RAB11FIP5: variants seen among roughly 807,000 people sequenced by gnomAD.
RAB11FIP5 encodes the protein rab11 family-interacting protein 5.
RAB11FIP5 carries 48 observed loss-of-function variants against 85.1 expected under a neutral mutation model. That is an observed-to-expected ratio of 0.56 (90% CI 0.45 to 0.72). The LOEUF (loss-of-function observed/expected upper bound fraction) is 0.72. Among genes scored for constraint, RAB11FIP5 ranks in the 30% least tolerant of loss-of-function variants. The pLI, the probability that RAB11FIP5 is intolerant of heterozygous loss-of-function variation, is 0.00. For missense variants in RAB11FIP5, 1,491 were observed against 1,687.0 expected (o/e 0.88, Z 2.04); for synonymous variants, 729 against 727.3 (o/e 1.00, Z -0.04).
chr2:73,092,450 GA>G (rs1346121854), intron 1 of RAB11FIP5, among the ~76,000 whole-genome samples: 7 of 152,196 alleles, frequency 4.6e-5, no homozygotes, highest in African/African-American at 1.7e-4. Context: ...GTTTTATAAG[GA>G]GCATATATTA....
rs537213583 is a variant in RAB11FIP5, at chr2:73,083,299, C to T, written c.1569-1636G>A. Among the ~76,000 whole-genome samples the T allele has an allele frequency of 1.2e-3, 182 of 152,198 alleles. 2 individuals are homozygous for T. The highest frequency in any genetic ancestry group is 6.8e-3 in the Middle Eastern group (2 of 294). On this transcript the variant is annotated intron_variant, in intron 3 of 5. Transcript: ENST00000486777. ...GGACTGAGGCAGGTCAGCTCGGCAG[C>T]TACCACCAGGGGCGGACCACAGGAA...
chr2:73,100,047 G>C (rs777692404), intron 1 of RAB11FIP5, among the ~76,000 whole-genome samples: 1 of 152,208 alleles, frequency 6.6e-6, no homozygotes, highest in Non-Finnish European at 1.5e-5. Flanking sequence ...AAAAGCGAAA[G>C]CAGGGCACCA....
At chr2:73,101,232 G>A (rs2106120683) in intron 1 of RAB11FIP5, among the ~76,000 whole-genome samples, 1 of 152,126 alleles carries the variant, frequency 6.6e-6, no homozygotes, top group Non-Finnish European at 1.5e-5. Context: ...ACTGGCCAGG[G>A]CTACAATGTG....
chr2:73,112,296 C>T (rs2106128912), intron 1 of RAB11FIP5, 51 bp downstream of exon 1: 2 of 1,489,072 alleles, frequency 1.3e-6, no homozygotes. Flanking sequence ...CCCACCAGCC[C>T]CGCCCTGTTA....
intron 1 of RAB11FIP5, among the ~76,000 whole-genome samples, chr2:73,098,865 G>C (rs1684375551): frequency 6.6e-6 from 1 of 152,150 alleles, no homozygotes; most frequent in African/African-American, 2.4e-5. Flanking sequence ...CTATACGCTT[G>C]TCACCAAGAG....
chr2:73,075,541 G>A lies in RAB11FIP5; in HGVS notation c.3955C>T (p.Pro1319Ser). The change falls in exon 6 of 6, where the codon CCC becomes TCC. Residue 1319 changes from proline (P) to serine (S), a missense_variant. Transcript: ENST00000486777. The surrounding 1 kb of genome is among the most constrained non-coding windows in gnomAD (Gnocchi z 4.6). ...GAAGGCTATTTGGGGGGGCCCGGGG[G>A]GATCTGCAGCAGCGTGGGTGAGGTC... is the stretch of plus-strand genomic sequence containing the variant. ...METSPTLLQI[P>S]PGPPK 1.2e-6 allele frequency: 2 copies of A among 1,614,098 alleles called. No homozygotes were observed. Among genetic ancestry groups the A allele is most frequent in the Non-Finnish European group, 8.5e-7 (1 of 1,179,986 alleles).
In RAB11FIP5 at chr2:73,076,172, C is replaced by A. The variant is rs147740837; in HGVS notation, c.3592G>T (p.Val1198Leu). ...EPQPSASPHP[V>L]KPLSAAPVEG... Reference sequence around the variant, plus strand: ...ACAGGGGCGGCACTGAGGGGCTTCACGGGGTGGGGACTGCAAAGACATACA... The same window carrying A: ...ACAGGGGCGGCACTGAGGGGCTTCAAGGGGTGGGGACTGCAAAGACATACA... Residue 1198 changes from valine (V) to leucine (L), a missense_variant, in exon 5 of 6, where the codon GTG (valine) becomes TTG (leucine). By Grantham distance (32) the Val-to-Leu change is conservative. Coordinates refer to ENST00000486777, the MANE Select transcript of RAB11FIP5 (RefSeq NM_001371272.1). 6.2e-7 allele frequency: 1 copy of A among 1,608,654 alleles called. No homozygotes were observed. The highest frequency in any genetic ancestry group is 1.7e-5 in the Admixed American group (1 of 59,966).
At chr2:73,096,579 T>C (rs1288533779) in intron 1 of RAB11FIP5, among the ~76,000 whole-genome samples, 3 of 152,188 alleles carry the variant, frequency 2.0e-5, no homozygotes, top group Non-Finnish European at 4.4e-5. Flanking sequence ...TTGTCTCTTC[T>C]TTTCCCTCAC....
chr2:73,105,179 C>T (rs1430699682), intron 1 of RAB11FIP5, among the ~76,000 whole-genome samples: 2 of 152,168 alleles, frequency 1.3e-5, no homozygotes, highest in Non-Finnish European at 2.9e-5. Flanking sequence ...AGCAAATCTC[C>T]CCAGGGTGGA....
chr2:73,100,882 G>A (rs1177997891), intron 1 of RAB11FIP5, among the ~76,000 whole-genome samples: 1 of 152,078 alleles, frequency 6.6e-6, no homozygotes, highest in African/African-American at 2.4e-5. Flanking sequence ...TCAGCTCACT[G>A]CAACCTACGC....
At chr2:73,077,147 T>C (rs892180390) in intron 4 of RAB11FIP5, among the ~76,000 whole-genome samples, 6 of 152,204 alleles carry the variant, frequency 3.9e-5, no homozygotes, top group African/African-American at 1.4e-4. Context: ...GCCTGGACTC[T>C]AGACCTGCAG....
At position 73,089,884 on chromosome 2, in the gene RAB11FIP5, C is replaced by T. The variant is rs1423998147; in HGVS notation, c.432-569G>A. ...TAGTGCATACACTCATGTATGTATA[C>T]ACACACACACACACACACACACACA... On this transcript the variant is annotated intron_variant, in intron 1 of 5. Coordinates refer to ENST00000486777, the MANE Select transcript of RAB11FIP5 (RefSeq NM_001371272.1). This position sits in a 1 kb window ranked among gnomAD's most constrained non-coding sequence, Gnocchi z 4.6. 7.3e-5 allele frequency among the ~76,000 whole-genome samples: 1 copy of T among 13,704 alleles called. No homozygotes were observed. The highest frequency in any genetic ancestry group is 1.8e-4 in the Non-Finnish European group (1 of 5,492). The allele number at this position is 13,704 out of a possible 152,430, so 9.0% of individuals were successfully genotyped here.
Position 73,075,962 on chromosome 2 carries a change from C to T in RAB11FIP5, c.3771+31G>A. 6.3e-7 allele frequency: 1 copy of T among 1,592,226 alleles called. No homozygotes were observed. The highest frequency in any genetic ancestry group is 8.6e-7 in the Non-Finnish European group (1 of 1,165,622). ...CCTGAGACTCCACCACACATTCTGT[C>T]AGATGGCCCCCACACCCTGCTGGGC... On this transcript the variant is annotated intron_variant, in intron 5 of 5. Transcript: ENST00000486777. The surrounding 1 kb of genome is among the most constrained non-coding windows in gnomAD (Gnocchi z 4.6).
chr2:73,092,283 C>A (rs987940856), intron 1 of RAB11FIP5, among the ~76,000 whole-genome samples: 1 of 152,220 alleles, frequency 6.6e-6, no homozygotes, highest in Non-Finnish European at 1.5e-5. Context: ...GCACAGCCAG[C>A]CTTTGCTGGG....
At chr2:73,108,917 G>A (rs182498971) in intron 1 of RAB11FIP5, among the ~76,000 whole-genome samples, 106 of 152,308 alleles carry the variant, frequency 7.0e-4, no homozygotes, top group African/African-American at 2.2e-3. Flanking sequence ...GGTGGCACAT[G>A]CCTGTAATCC....
Position 73,088,165 on chromosome 2 carries a change from C to T in RAB11FIP5, c.1453G>A (p.Glu485Lys), listed in dbSNP as rs59033238. 1 of 1,614,028 alleles carries T rather than the reference C, an allele frequency of 6.2e-7. No homozygotes were observed. The highest frequency in any genetic ancestry group is 2.2e-5 in the East Asian group (1 of 44,858). The change falls in exon 3 of 6, where the codon GAA becomes AAA. Residue 485 changes from glutamate to lysine, a missense_variant. Glu to Lys is a moderately conservative substitution (Grantham distance 56). This residue lies in a region of RAB11FIP5 where 1,211 missense variants were observed against 1,338.0 expected (regional missense o/e 0.91). Coordinates refer to ENST00000486777, the MANE Select transcript of RAB11FIP5 (RefSeq NM_001371272.1). ...GCCCCCAGGATGGGACCCCCCTTTTCCCCCAGAGAGCTTCGGCGACCCAAC... is the reference window on the plus strand; with the variant it reads ...GCCCCCAGGATGGGACCCCCCTTTTTCCCCAGAGAGCTTCGGCGACCCAAC... ...SELGRRSSLG[E>K]KGGPILGASP...
At chr2:73,079,031 G>A (rs1239823375) in intron 4 of RAB11FIP5, among the ~76,000 whole-genome samples, 1 of 152,234 alleles carries the variant, frequency 6.6e-6, no homozygotes, top group Non-Finnish European at 1.5e-5. Context: ...AGCAACTGCT[G>A]CGCGTGGGGA....
In RAB11FIP5 at chr2:73,075,234, G is replaced by GA. The variant is rs1316363377; in HGVS notation, c.*286dup. 5 of 679,752 alleles carry GA rather than the reference G, an allele frequency of 7.4e-6. No individual in the cohort carries two copies. Among genetic ancestry groups the GA allele is most frequent in the Non-Finnish European group, 2.7e-6 (1 of 370,568 alleles). The allele number at this position is 679,752 out of a possible 1,614,324, so 42.1% of individuals were successfully genotyped here. On this transcript the variant is annotated 3_prime_UTR_variant, in exon 6 of 6. Coordinates refer to ENST00000486777, the MANE Select transcript of RAB11FIP5 (RefSeq NM_001371272.1). The surrounding 1 kb of genome is among the most constrained non-coding windows in gnomAD (Gnocchi z 4.6). Reference sequence around the variant, plus strand: ...AGTTCACCCCTGCTCTGTCTTGGGGGAAGAGTTCCAATTCCCTGGGGCCCC... The same window carrying GA: ...AGTTCACCCCTGCTCTGTCTTGGGGGAAAGAGTTCCAATTCCCTGGGGCCCC...
At chr2:73,111,779 G>A (rs1684660292) in intron 1 of RAB11FIP5, among the ~76,000 whole-genome samples, 1 of 152,184 alleles carries the variant, frequency 6.6e-6, no homozygotes, top group Non-Finnish European at 1.5e-5. Flanking sequence ...ATGGGGGTGG[G>A]GGGGTGACAT....
Sources: gnomAD v4.1 joint callset for allele counts (sites outside exome capture counted in the v4.1 genomes callset) on GRCh38, gnomAD v4.1.1 for gene constraint, gnomAD v4.1.1 regional missense constraint, Gnocchi (gnomAD v3.1) non-coding constraint, MANE v1.5 for transcripts, NCBI Gene and HGNC (gene_info 2026-07-23, HGNC 2026-07-21) for gene names.